The following CUX1 variants were observed in gnomAD, a reference collection of about 807,000 sequenced individuals.
CUX1 encodes cut like homeobox 1, also known as protein CASP.
A neutral mutation model predicts 158.8 loss-of-function variants in CUX1; 31 were observed. The ratio of observed to expected loss-of-function variants is 0.20; its 90% confidence interval spans 0.15 to 0.26. The LOEUF (loss-of-function observed/expected upper bound fraction) is 0.26. Ranked by LOEUF, CUX1 falls within the 10% of genes least tolerant of loss-of-function variation. The pLI is 1.00. For missense variants in CUX1, 1,589 were observed against 2,014.6 expected, an observed-to-expected ratio of 0.79 and a Z score of 4.04; for synonymous variants, 879 against 862.1, an observed-to-expected ratio of 1.02 and a Z score of -0.34.
At chr7:101,973,791 C>A (rs549280997) in intron 2 of CUX1, among the ~76,000 whole-genome samples, 3 of 141,546 alleles carry the variant, frequency 2.1e-5, no homozygotes, top group Non-Finnish European at 4.6e-5. Flanking sequence ...TTTTTTGAGA[C>A]GGAGTCTCAC....
At chr7:102,124,562 T>G (rs181794242) in intron 8 of CUX1, among the ~76,000 whole-genome samples, 5 of 152,262 alleles carry the variant, frequency 3.3e-5, no homozygotes, top group Admixed American at 2.0e-4. Context: ...GATGTTACAT[T>G]AAGTGAAATG....
intron 1 of CUX1, among the ~76,000 whole-genome samples, chr7:101,903,114 T>C (rs951531003): frequency 2.6e-5 from 4 of 152,164 alleles, no homozygotes; most frequent in African/African-American, 9.7e-5. Flanking sequence ...AAACCACCTG[T>C]GGCTGCCTCT....
At position 102,024,418 on chromosome 7, in the gene CUX1, C is replaced by T. The variant is rs141342426; in HGVS notation, c.142-3680C>T. 2.6e-5 allele frequency among the ~76,000 whole-genome samples: 4 copies of T among 152,280 alleles called. No homozygotes were observed. In the East Asian group the frequency reaches 5.8e-4, roughly 22 times the overall value. On this transcript the variant is annotated intron_variant, in intron 2 of 23. Transcript: ENST00000292535. Reference sequence around the variant, plus strand: ...CTCAGCTCACTGCAGCCTCTGCCTCCGCGGTTTAAGCGATCCTCCCACCTC... The same window carrying T: ...CTCAGCTCACTGCAGCCTCTGCCTCTGCGGTTTAAGCGATCCTCCCACCTC...
chr7:102,065,662 G>A (rs1336674523), intron 3 of CUX1, among the ~76,000 whole-genome samples: 1 of 152,228 alleles, frequency 6.6e-6, no homozygotes, highest in Non-Finnish European at 1.5e-5. Flanking sequence ...CTGTGTTAGT[G>A]GAAGAGGGCA....
intron 23 of CUX1, among the ~76,000 whole-genome samples, chr7:102,242,205 CTTT>C (rs67514665): frequency 4.3e-5 from 4 of 93,070 alleles, no homozygotes; most frequent in African/African-American, 7.8e-5. Flanking sequence ...TTCTTTCTTT[CTTT>C]TTTTTTTTTT....
At chr7:102,215,694 CG>C (rs1364015828) in intron 20 of CUX1, among the ~76,000 whole-genome samples, 1 of 152,002 alleles carries the variant, frequency 6.6e-6, no homozygotes, top group Non-Finnish European at 1.5e-5. Flanking sequence ...TGGTTCTGCC[CG>C]GGTCTTTGTA....
chr7:102,220,062 CCAGGGCCGGGCA>C (rs376661667), intron 20 of CUX1, among the ~76,000 whole-genome samples: 28 of 152,208 alleles, frequency 1.8e-4, no homozygotes, highest in South Asian at 1.7e-3. Context: ...ATACAGGAGG[CCAGGGCCGGGCA>C]CAGGGCCGGG....
chr7:102,069,029 G>C (rs1055189848), intron 3 of CUX1, among the ~76,000 whole-genome samples: 1 of 152,102 alleles, frequency 6.6e-6, no homozygotes, highest in African/African-American at 2.4e-5. Flanking sequence ...TGGAATCCCC[G>C]GGACCGTCCT....
intron 9 of CUX1, among the ~76,000 whole-genome samples, chr7:102,166,894 C>T (rs1791103410): frequency 6.6e-6 from 1 of 152,162 alleles, no homozygotes; most frequent in Non-Finnish European, 1.5e-5. Context: ...AAGTCTGACA[C>T]CGTGACCGCC....
At chr7:102,010,611 A>G (rs149035697) in intron 2 of CUX1, among the ~76,000 whole-genome samples, 221 of 152,228 alleles carry the variant, frequency 1.5e-3, no homozygotes, top group African/African-American at 5.1e-3. Flanking sequence ...ACTCGTTTGT[A>G]TGTGTGTGTG....
intron 2 of CUX1, among the ~76,000 whole-genome samples, chr7:101,953,716 G>T (rs989111563): frequency 6.6e-6 from 1 of 152,154 alleles, no homozygotes; most frequent in East Asian, 1.9e-4. Flanking sequence ...TCAGGCCCGT[G>T]CCAGGACACA....
chr7:101,968,242 A>G (rs953123826), intron 2 of CUX1, among the ~76,000 whole-genome samples: 1 of 152,122 alleles, frequency 6.6e-6, no homozygotes, highest in African/African-American at 2.4e-5. Flanking sequence ...AAATCTTCAC[A>G]TAAAAGTTAA....
chr7:101,895,320 A>G (rs1801354304), intron 1 of CUX1, among the ~76,000 whole-genome samples: 1 of 152,182 alleles, frequency 6.6e-6, no homozygotes. Flanking sequence ...CTCCTCAAAA[A>G]GGCAGAACTA....
chr7:102,242,328 G>A (rs1800320471), intron 23 of CUX1, among the ~76,000 whole-genome samples: 2 of 147,704 alleles, frequency 1.4e-5, no homozygotes, highest in Admixed American at 6.9e-5. Flanking sequence ...TCCTGCCTCA[G>A]CCTCCTGAGT....
chr7:101,914,400 CTCCCTCCCTCCCTCTT>C (rs1295415001), intron 1 of CUX1, among the ~76,000 whole-genome samples: 2 of 119,592 alleles, frequency 1.7e-5, no homozygotes. Context: ...CCCTCTTTCC[CTCCCTCCCTCCCTCTT>C]TCCCTCCCTC....
intron 20 of CUX1, among the ~76,000 whole-genome samples, chr7:102,216,618 CCCA>C (rs1563425488): frequency 6.8e-5 from 4 of 58,866 alleles, no homozygotes; most frequent in African/African-American, 2.0e-4. Context: ...ACACACACTC[CCCA>C]CACACACACC....
intron 1 of CUX1, among the ~76,000 whole-genome samples, chr7:101,838,883 G>A (rs1794912640): frequency 6.6e-6 from 1 of 152,156 alleles, no homozygotes; most frequent in Non-Finnish European, 1.5e-5. Flanking sequence ...AGATGGGGTG[G>A]CTTCACATAT....
chr7:101,825,826 G>A (rs1481876194), intron 1 of CUX1, among the ~76,000 whole-genome samples: 27 of 150,466 alleles, frequency 1.8e-4, no homozygotes, highest in Admixed American at 1.8e-3. Flanking sequence ...TAGTCTTCGG[G>A]GCTGCTTATT....
intron 4 of CUX1, among the ~76,000 whole-genome samples, chr7:102,084,450 G>A (rs1827756353): frequency 8.3e-6 from 1 of 120,212 alleles, no homozygotes; most frequent in African/African-American, 2.7e-5. Context: ...TTGAGACAGA[G>A]TCTCGCTCTG....
Sources: allele counts gnomAD v4.1 joint callset (sites outside exome capture counted in the v4.1 genomes callset), GRCh38; gene constraint gnomAD v4.1.1; transcripts MANE v1.5; gene names NCBI Gene and HGNC (gene_info 2026-07-23, HGNC 2026-07-21).